KCNIP3: variants seen among roughly 807,000 people sequenced by gnomAD.
KCNIP3 encodes calsenilin.
Under a neutral mutation model 35.0 loss-of-function variants are expected in KCNIP3, and 28 were observed. That is an observed-to-expected ratio of 0.80 (90% confidence interval 0.59 to 1.10). The LOEUF is 1.10. KCNIP3 is among the 50% of genes least tolerant of loss of function. The pLI is 0.00. For missense variants in KCNIP3, 295 were observed against 338.4 expected, an observed-to-expected ratio of 0.87 and a Z score of 1.01; for synonymous variants, 134 against 133.8, an observed-to-expected ratio of 1.00 and a Z score of -0.01.
At position 95,310,481 on chromosome 2, in the gene KCNIP3, G is replaced by A. The variant is rs1298078612; in HGVS notation, c.142G>A (p.Val48Ile). 6.2e-7 allele frequency: 1 copy of A among 1,612,122 alleles called. No individual in the cohort carries two copies. Among genetic ancestry groups the A allele is most frequent in the South Asian group, 1.1e-5 (1 of 91,038 alleles). The change falls in exon 2 of 9, where the codon GTC becomes ATC. Residue 48 changes from valine to isoleucine, a missense_variant. By Grantham distance (29) the Val-to-Ile change is conservative. Transcript: ENST00000295225. ...CCAGGCTTTGATGAGATGCTGCCTG[G>A]TCAAGTGGATCCTGTCCAGCACAGC... ...SRQALMRCCL[V>I]KWILSSTAPQ...
At chr2:95,371,191 C>T (rs1680034012) in intron 2 of KCNIP3, among the ~76,000 whole-genome samples, 1 of 152,192 alleles carries the variant, frequency 6.6e-6, no homozygotes, top group Non-Finnish European at 1.5e-5. Flanking sequence ...TGCTTTTACA[C>T]CTATCTTCTT....
chr2:95,313,202 G>A (rs983430514), intron 2 of KCNIP3: 2 of 152,352 alleles, frequency 1.3e-5, no homozygotes, highest in Non-Finnish European at 1.5e-5. Flanking sequence ...AGAGACACAT[G>A]TCGGGAACAG....
chr2:95,352,880 T>C (rs1258960746), intron 2 of KCNIP3, among the ~76,000 whole-genome samples: 2 of 152,156 alleles, frequency 1.3e-5, no homozygotes, highest in East Asian at 1.9e-4. Flanking sequence ...TGCTTTCCTG[T>C]GTGGAGCTGT....
chr2:95,346,237 C>T (rs1369928540), intron 2 of KCNIP3, among the ~76,000 whole-genome samples: 2 of 151,770 alleles, frequency 1.3e-5, no homozygotes, highest in East Asian at 3.9e-4. Flanking sequence ...CCGCCGACTC[C>T]GCGCGGGCCA....
At position 95,306,268 on chromosome 2, in the gene KCNIP3, C is replaced by T. The variant is rs1279482382; in HGVS notation, c.16-4087C>T. The stretch of plus-strand genomic sequence containing the variant: ...TGACGGCGAACATCTCTTCCCGCCG[C>T]CTTTGCCATCCACGTGTCCTCTCTG... On this transcript the variant is annotated intron_variant, in intron 1 of 8. Transcript: ENST00000295225. 4.6e-5 allele frequency among the ~76,000 whole-genome samples: 7 copies of T among 152,356 alleles called. No homozygotes were observed. In the East Asian group the frequency reaches 9.7e-4, roughly 21 times the overall value.
At position 95,382,141 on chromosome 2, in the gene KCNIP3, T is replaced by A. The variant is rs1420729782; in HGVS notation, c.556-236T>A. ...CACTTTTTCTGCTGCCGCGTCACAT[T>A]TTGGAGATAAGCACATAGCAATCCA... is the stretch of plus-strand genomic sequence containing the variant. On this transcript the variant is annotated intron_variant, in intron 6 of 8. Transcript: ENST00000295225. This position sits in a 1 kb window ranked among gnomAD's most constrained non-coding sequence, Gnocchi z 4.5. 2.6e-5 allele frequency among the ~76,000 whole-genome samples: 4 copies of A among 152,102 alleles called. No individual in the cohort carries two copies. Among genetic ancestry groups the A allele is most frequent in the Non-Finnish European group, 5.9e-5 (4 of 68,020 alleles).
At chr2:95,314,220 T>A (rs1256320673) in intron 2 of KCNIP3, among the ~76,000 whole-genome samples, 1 of 152,076 alleles carries the variant, frequency 6.6e-6, no homozygotes, top group Non-Finnish European at 1.5e-5. Context: ...TACGTAAAGA[T>A]CTATAAACAG....
intron 2 of KCNIP3, chr2:95,368,877 C>A: frequency 5.5e-6 from 1 of 180,638 alleles, no homozygotes; most frequent in Non-Finnish European, 1.3e-5. Context: ...CAAAAAGCCC[C>A]CACCATCCTT....
chr2:95,381,449 TG>T, intron 5 of KCNIP3, 146 bp from the exon 6 acceptor site: 1 of 631,968 alleles, frequency 1.6e-6, no homozygotes, highest in South Asian at 1.9e-5. Context: ...ACACTCACCC[TG>T]TGCTGACCTG....
intron 2 of KCNIP3, among the ~76,000 whole-genome samples, chr2:95,331,987 G>A (rs2104245776): frequency 6.6e-6 from 1 of 152,366 alleles, no homozygotes; most frequent in African/African-American, 2.4e-5. Context: ...AGGACACGGT[G>A]TGAGCGGACT....
chr2:95,328,514 A>C (rs1354906806), intron 2 of KCNIP3, among the ~76,000 whole-genome samples: 1 of 152,140 alleles, frequency 6.6e-6, no homozygotes, highest in Non-Finnish European at 1.5e-5. Context: ...GAAGTGGTGA[A>C]TCTGGGGAGG....
rs79761016 is a variant in KCNIP3, at chr2:95,348,595, C to G, written c.182-25701C>G. 8.0e-3 allele frequency among the ~76,000 whole-genome samples: 1,220 copies of G among 152,330 alleles called. 8 individuals are homozygous for G. The highest frequency in any genetic ancestry group is 0.012 in the Non-Finnish European group (808 of 68,034). Reference sequence around the variant, plus strand: ...AGACCTTCCTAACAGCGGGTTCACCCACAGTCGGGGGCAGTGTGAGGTTTG... The same window carrying G: ...AGACCTTCCTAACAGCGGGTTCACCGACAGTCGGGGGCAGTGTGAGGTTTG... On this transcript the variant is annotated intron_variant, in intron 2 of 8. Coordinates refer to ENST00000295225, the MANE Select transcript of KCNIP3 (RefSeq NM_013434.5).
At chr2:95,325,358 C>T (rs1029177404) in intron 2 of KCNIP3, among the ~76,000 whole-genome samples, 29 of 152,084 alleles carry the variant, frequency 1.9e-4, no homozygotes, top group Non-Finnish European at 3.1e-4. Flanking sequence ...AGGGCGGGTG[C>T]GGAAACCTGT....
At chr2:95,312,239 G>A in intron 2 of KCNIP3, 1 of 152,486 alleles carries the variant, frequency 6.6e-6, no homozygotes, top group Non-Finnish European at 1.5e-5. Context: ...GGCAGAGGTG[G>A]CTCAGGACGG....
chr2:95,351,954 G>A (rs1407363351), intron 2 of KCNIP3, among the ~76,000 whole-genome samples: 1 of 152,140 alleles, frequency 6.6e-6, no homozygotes, highest in African/African-American at 2.4e-5. Flanking sequence ...TGAGACTGGG[G>A]GAGTCACCAG....
chr2:95,344,795 A>C (rs1012433139), intron 2 of KCNIP3, among the ~76,000 whole-genome samples: 1 of 152,108 alleles, frequency 6.6e-6, no homozygotes, highest in African/African-American at 2.4e-5. Flanking sequence ...CCATCCTTTC[A>C]AGCCCCCGGA....
Position 95,350,762 on chromosome 2 carries a change from T to A in KCNIP3, c.182-23534T>A, listed in dbSNP as rs1195062570. On this transcript the variant is annotated intron_variant, in intron 2 of 8. Transcript: ENST00000295225. ...GCTGTACATTATCATTGTAATCACC[T>A]GGGAACTTTAAAAAATACCCGCTGT... 2.0e-5 allele frequency among the ~76,000 whole-genome samples: 3 copies of A among 152,210 alleles called. No individual in the cohort carries two copies. The South Asian group carries it at 6.2e-4, about 32-fold the overall frequency.
intron 2 of KCNIP3, among the ~76,000 whole-genome samples, chr2:95,315,588 G>C (rs138538185): frequency 6.6e-6 from 1 of 152,244 alleles, no homozygotes; most frequent in Non-Finnish European, 1.5e-5. Context: ...GTGTAAACCT[G>C]TGCCTTCGGC....
intron 2 of KCNIP3, among the ~76,000 whole-genome samples, chr2:95,346,318 C>T (rs1376180356): frequency 6.6e-6 from 1 of 151,556 alleles, no homozygotes; most frequent in Non-Finnish European, 1.5e-5. Flanking sequence ...TCTCGGGCTC[C>T]CGGCCCCTCC....
Sources: gnomAD v4.1 joint callset for allele counts (sites outside exome capture counted in the v4.1 genomes callset) on GRCh38, gnomAD v4.1.1 for gene constraint, Gnocchi (gnomAD v3.1) non-coding constraint, MANE v1.5 for transcripts, NCBI Gene and HGNC (gene_info 2026-07-23, HGNC 2026-07-21) for gene names.